The following RTN1 variants were observed in gnomAD, a reference collection of about 807,000 sequenced individuals.
RTN1 encodes reticulon-1.
A neutral mutation model predicts 65.5 loss-of-function variants in RTN1; 25 were observed. The ratio of observed to expected loss-of-function variants is 0.38; its 90% confidence interval spans 0.28 to 0.53. The LOEUF (loss-of-function observed/expected upper bound fraction) is 0.53. RTN1 is among the 20% of genes least tolerant of loss of function. The pLI, the probability that RTN1 is intolerant of heterozygous loss-of-function variation, is 0.79. For synonymous variants in RTN1, 471 were observed against 447.6 expected, an observed-to-expected ratio of 1.05 and a Z score of -0.66; for missense variants, 983 against 1,025.4, an observed-to-expected ratio of 0.96 and a Z score of 0.57.
rs372375101 is a variant in RTN1 at position 59,809,984 on chromosome 14, AAAT to A, written c.241+60403_241+60405del. On this transcript the variant is annotated intron_variant, in intron 1 of 8. Coordinates refer to ENST00000267484, the MANE Select transcript of RTN1 (RefSeq NM_021136.3). The stretch of plus-strand genomic sequence containing the variant: ...CAGCTGCATTCAATCATCTTTCAAC[AAAT>A]ATTTAGAGTACCCACTACGTTCCTA... 3.9e-3 allele frequency among the ~76,000 whole-genome samples: 599 copies of A among 152,340 alleles called. 2 individuals carry two copies. The highest frequency in any genetic ancestry group is 0.016 in the South Asian group (76 of 4,830).
At chr14:59,796,808 T>C (rs1419020453) in intron 1 of RTN1, among the ~76,000 whole-genome samples, 1 of 152,192 alleles carries the variant, frequency 6.6e-6, no homozygotes, top group African/African-American at 2.4e-5. Context: ...ATTCATCATG[T>C]TATTTCCACC....
intron 1 of RTN1, among the ~76,000 whole-genome samples, chr14:59,835,334 G>GA (rs1442076382): frequency 6.6e-6 from 1 of 152,022 alleles, no homozygotes; most frequent in Non-Finnish European, 1.5e-5. Context: ...GGCGGGGAGA[G>GA]GGCAGGCCCA....
At chr14:59,610,684 C>T (rs1173868691) in intron 3 of RTN1, among the ~76,000 whole-genome samples, 1 of 152,212 alleles carries the variant, frequency 6.6e-6, no homozygotes, top group African/African-American at 2.4e-5. Context: ...GGTAACTGCC[C>T]TTTCCCAAAG....
At chr14:59,685,474 C>A (rs1416935693) in intron 3 of RTN1, among the ~76,000 whole-genome samples, 1 of 152,092 alleles carries the variant, frequency 6.6e-6, no homozygotes, top group East Asian at 1.9e-4. Flanking sequence ...AGTAAAGTTG[C>A]AGGAAACAAA....
intron 3 of RTN1, among the ~76,000 whole-genome samples, chr14:59,671,019 C>A (rs141401229): frequency 6.6e-6 from 1 of 152,144 alleles, no homozygotes; most frequent in Admixed American, 6.5e-5. Context: ...CCACTATGAC[C>A]ATCCATCACT....
At chr14:59,712,016 C>T (rs914967751) in intron 3 of RTN1, among the ~76,000 whole-genome samples, 3 of 152,090 alleles carry the variant, frequency 2.0e-5, no homozygotes, top group Non-Finnish European at 2.9e-5. Context: ...TCAACTGGCA[C>T]AGAAGAAAGG....
At chr14:59,796,282 C>G (rs1886437802) in intron 1 of RTN1, among the ~76,000 whole-genome samples, 1 of 152,132 alleles carries the variant, frequency 6.6e-6, no homozygotes, top group Non-Finnish European at 1.5e-5. Context: ...ACTATACCAT[C>G]TAGGTTTGGG....
intron 3 of RTN1, among the ~76,000 whole-genome samples, chr14:59,654,412 G>A (rs1454503969): frequency 7.1e-6 from 1 of 141,486 alleles, no homozygotes; most frequent in African/African-American, 2.7e-5. Flanking sequence ...CTGGGTGACA[G>A]AGCGAGACTC....
intron 1 of RTN1, among the ~76,000 whole-genome samples, chr14:59,810,533 ACT>A (rs1185860450): frequency 6.6e-6 from 1 of 151,908 alleles, no homozygotes; most frequent in African/African-American, 2.4e-5. Flanking sequence ...AAAATCTAAG[ACT>A]CTTCACATTT....
intron 1 of RTN1, among the ~76,000 whole-genome samples, chr14:59,837,467 A>C (rs1887233487): frequency 6.6e-6 from 1 of 152,118 alleles, no homozygotes; most frequent in South Asian, 2.1e-4. Flanking sequence ...CACATACGAT[A>C]ATATTTCTAA....
At chr14:59,783,795 G>A (rs1464184381) in intron 1 of RTN1, among the ~76,000 whole-genome samples, 1 of 151,656 alleles carries the variant, frequency 6.6e-6, no homozygotes, top group Admixed American at 6.6e-5. Context: ...ACAATGAAGG[G>A]ATGTTTTTCT....
chr14:59,596,784 A>T lies in RTN1; in HGVS notation c.2292T>A (p.Ile764=). The T allele has an allele frequency of 6.2e-7, 1 of 1,610,904 alleles. No homozygotes were observed. Among genetic ancestry groups the T allele is most frequent in the Non-Finnish European group, 8.5e-7 (1 of 1,177,130 alleles). Residue 764 remains isoleucine, a synonymous_variant, in exon 9 of 9, where the codon ATT becomes ATA. Coordinates refer to ENST00000267484, the MANE Select transcript of RTN1 (RefSeq NM_021136.3). ...TCTTAGCGCCTGGGATTTTAGCCTG[A>T]ATCCTAAAAAGACAGTATCAAAAGG... ...RTHINAVVAK[I]QAKIPGAKRH... is the part of the protein sequence containing the mutation.
At chr14:59,676,909 A>G (rs1456086955) in intron 3 of RTN1, among the ~76,000 whole-genome samples, 1 of 152,250 alleles carries the variant, frequency 6.6e-6, no homozygotes, top group Admixed American at 6.5e-5. Flanking sequence ...TCTAAGAGGT[A>G]TGATGGTAGC....
rs1887840004 is a variant in RTN1 at position 59,868,794 on chromosome 14, G to C, written c.241+1596C>G. Among the ~76,000 whole-genome samples, 1 of 152,132 alleles carries C rather than the reference G, an allele frequency of 6.6e-6. No individual in the cohort carries two copies. The highest frequency in any genetic ancestry group is 1.5e-5 in the Non-Finnish European group (1 of 68,022). On this transcript the variant is annotated intron_variant, in intron 1 of 8. Coordinates refer to ENST00000267484, the MANE Select transcript of RTN1 (RefSeq NM_021136.3). This position sits in a 1 kb window ranked among gnomAD's most constrained non-coding sequence, Gnocchi z 4.0. ...GTTTCATAAAGAAACAATTTACTTT[G>C]ATTACAGTGGATAAAGATTCTGAAC... is the stretch of plus-strand genomic sequence containing the variant.
Position 59,816,430 on chromosome 14 carries a change from A to G in RTN1, c.241+53960T>C, listed in dbSNP as rs1003180242. Among the ~76,000 whole-genome samples, 18 of 152,322 alleles carry G rather than the reference A, an allele frequency of 1.2e-4. 1 individual carries two copies. Among genetic ancestry groups the G allele is most frequent in the Admixed American group, 8.5e-4 (13 of 15,306 alleles). ...CTTCTCCAATCCTCGGAGAGCTCCT[A>G]GGAAACAAGAATGGAATCCTCTTTA... On this transcript the variant is annotated intron_variant, in intron 1 of 8. Transcript: ENST00000267484. The surrounding 1 kb of genome is among the most constrained non-coding windows in gnomAD (Gnocchi z 4.3).
chr14:59,731,514 A>T (rs986794580), intron 2 of RTN1, among the ~76,000 whole-genome samples: 1 of 151,752 alleles, frequency 6.6e-6, no homozygotes. Flanking sequence ...AAGCTGTTTA[A>T]AAAAAAATGG....
intron 1 of RTN1, among the ~76,000 whole-genome samples, chr14:59,813,647 G>C (rs1052538992): frequency 6.6e-6 from 1 of 152,082 alleles, no homozygotes; most frequent in Non-Finnish European, 1.5e-5. Flanking sequence ...AGTGTGATTT[G>C]AAAAAGAAAT....
intron 1 of RTN1, among the ~76,000 whole-genome samples, chr14:59,762,668 C>T (rs1000983367): frequency 5.9e-5 from 9 of 152,276 alleles, no homozygotes; most frequent in African/African-American, 2.2e-4. Flanking sequence ...ACTAATGAAG[C>T]AGTAAAGTAG....
At chr14:59,783,855 A>G (rs1039996083) in intron 1 of RTN1, among the ~76,000 whole-genome samples, 1 of 150,570 alleles carries the variant, frequency 6.6e-6, no homozygotes, top group East Asian at 1.9e-4. Flanking sequence ...AAAGTGTAGT[A>G]TAAACAAAAA....
Sources: gnomAD v4.1 joint callset for allele counts (sites outside exome capture counted in the v4.1 genomes callset) on GRCh38, gnomAD v4.1.1 for gene constraint, Gnocchi (gnomAD v3.1) non-coding constraint, MANE v1.5 for transcripts, NCBI Gene and HGNC (gene_info 2026-07-23, HGNC 2026-07-21) for gene names.